Variants in SVEP1 observed in about 807,000 individuals in gnomAD.
SVEP1 encodes sushi, von Willebrand factor type A, EGF and pentraxin domain containing 1.
A neutral mutation model predicts 367.3 loss-of-function variants in SVEP1; 164 were observed. That is an observed-to-expected ratio of 0.45 (90% CI 0.39 to 0.51). The LOEUF is 0.51. Among genes scored for constraint, SVEP1 ranks in the 20% least tolerant of loss-of-function variants. The pLI, the probability that SVEP1 is intolerant of heterozygous loss-of-function variation, is 0.00. For missense variants in SVEP1, 4,117 were observed against 4,425.3 expected (o/e 0.93, Z 1.98); for synonymous variants, 1,666 against 1,611.6 (o/e 1.03, Z -0.81).
chr9:110,528,406 C>A (rs1829973543), intron 3 of SVEP1, among the ~76,000 whole-genome samples: 1 of 151,580 alleles, frequency 6.6e-6, no homozygotes, highest in South Asian at 2.1e-4. Context: ...AGAGGTTTTA[C>A]TACTTTACAT....
chr9:110,432,126 G>A (rs1828359488), intron 31 of SVEP1, 92 bp from the exon 32 acceptor site: 13 of 1,328,894 alleles, frequency 9.8e-6, no homozygotes, highest in South Asian at 9.0e-5. Context: ...TACATATCAC[G>A]TAATGCACAA....
chr9:110,506,645 C>T (rs1829630057), intron 5 of SVEP1, among the ~76,000 whole-genome samples: 1 of 152,172 alleles, frequency 6.6e-6, no homozygotes, highest in African/African-American at 2.4e-5. Context: ...CCGTAGTCTC[C>T]TCTTTAGAGA....
At position 110,378,777 on chromosome 9, in the gene SVEP1, C is replaced by T. The variant is rs1273493555; in HGVS notation, c.10408+570G>A. 3.4e-4 allele frequency among the ~76,000 whole-genome samples: 21 copies of T among 61,526 alleles called. No homozygotes were observed. The South Asian group carries it at 3.6e-3, about 11-fold the overall frequency. The allele number at this position is 61,526 out of a possible 152,430, so 40.4% of individuals were successfully genotyped here. A position where few individuals can be genotyped will look rare whatever the true frequency, so the allele number is the denominator to read the frequency against. On this transcript the variant is annotated intron_variant, in intron 44 of 47. Coordinates refer to ENST00000374469, the MANE Select transcript of SVEP1 (RefSeq NM_153366.4). Reference sequence around the variant, plus strand: ...GGACTGTTGTGGGGTGGGGGGAGGGCGGAGGGATAGCATTAGGAGATATAC... The same window carrying T: ...GGACTGTTGTGGGGTGGGGGGAGGGTGGAGGGATAGCATTAGGAGATATAC...
intron 1 of SVEP1, among the ~76,000 whole-genome samples, chr9:110,558,354 A>G (rs1564176113): frequency 7.6e-6 from 1 of 132,178 alleles, no homozygotes; most frequent in Non-Finnish European, 1.6e-5. Context: ...AAAAAAAAAA[A>G]TTGCAAAAAA....
intron 3 of SVEP1, among the ~76,000 whole-genome samples, chr9:110,529,373 A>T (rs1165000046): frequency 6.6e-6 from 1 of 152,030 alleles, no homozygotes; most frequent in Non-Finnish European, 1.5e-5. Flanking sequence ...TATGAATTTT[A>T]AGATTCTTTT....
At chr9:110,448,153 G>GTA (rs1491255265) in intron 24 of SVEP1, among the ~76,000 whole-genome samples, 2 of 51,528 alleles carry the variant, frequency 3.9e-5, no homozygotes, top group Non-Finnish European at 8.0e-5. Context: ...GTGTGTGCGC[G>GTA]TGTGTGTGTG....
At chr9:110,556,496 T>C (rs758300849) in intron 1 of SVEP1, among the ~76,000 whole-genome samples, 7 of 152,142 alleles carry the variant, frequency 4.6e-5, no homozygotes, top group African/African-American at 1.2e-4. Context: ...TTTGTTGTTG[T>C]TTTGTTCTGT....
Position 110,408,415 on chromosome 9 carries a change from A to G in SVEP1, c.7185T>C (p.Ser2395=). ...CAGTACTTCCAAAATGAAGAGCAGA[A>G]GAAGGAATGGGGACACCAAAGGAAA... The part of the protein sequence containing the change: ...PLISFGVPIP[S]SALHFGSTVK... Residue 2395 remains serine, a synonymous_variant, in exon 38 of 48, where the codon TCT becomes TCC. Transcript: ENST00000374469. The G allele has an allele frequency of 6.2e-7, 1 of 1,614,006 alleles. No homozygotes were observed. The highest frequency in any genetic ancestry group is 8.5e-7 in the Non-Finnish European group (1 of 1,179,908).
At chr9:110,377,933 T>C (rs1311141501) in intron 44 of SVEP1, among the ~76,000 whole-genome samples, 1 of 152,214 alleles carries the variant, frequency 6.6e-6, no homozygotes, top group African/African-American at 2.4e-5. Flanking sequence ...GTTTGACTGT[T>C]TTGGATTCCA....
At chr9:110,389,153 C>T (rs1346958239) in intron 41 of SVEP1, among the ~76,000 whole-genome samples, 1 of 152,022 alleles carries the variant, frequency 6.6e-6, no homozygotes. Flanking sequence ...ACCAACAGCA[C>T]GTTAAAAGTA....
At position 110,489,741 on chromosome 9, in the gene SVEP1, G is replaced by A. The variant is rs1829338638; in HGVS notation, c.1839C>T (p.Tyr613=). The part of the protein sequence containing the change: ...VHVHPAFTPP[Y]LFPIGDVAIV... ...TAGCAACATCTCCAATTGGGAAAAG[G>A]TAAGGTGGGGTGAAAGCTGGATGAA... The change falls in exon 9 of 48, where the codon TAC becomes TAT. Residue 613 remains tyrosine (Y), a synonymous_variant. Coordinates refer to ENST00000374469, the MANE Select transcript of SVEP1 (RefSeq NM_153366.4). 6.2e-7 allele frequency: 1 copy of A among 1,613,378 alleles called. No individual in the cohort carries two copies. The highest frequency in any genetic ancestry group is 1.7e-5 in the Admixed American group (1 of 59,960).
At position 110,499,243 on chromosome 9, in the gene SVEP1, G is replaced by A. The variant is rs367887033; in HGVS notation, c.1484-5C>T. 64 of 1,607,266 alleles carry A rather than the reference G, an allele frequency of 4.0e-5. No homozygotes were observed. The highest frequency in any genetic ancestry group is 1.9e-4 in the Admixed American group (11 of 59,176). On this transcript the variant is annotated splice_polypyrimidine_tract_variant and splice_region_variant and intron_variant, in intron 6 of 47. Coordinates refer to ENST00000374469, the MANE Select transcript of SVEP1 (RefSeq NM_153366.4). Reference sequence around the variant, plus strand: ...GAAAGGTGGAACAGTGGCGCTCTACGGTAGGGAAACAGAGAGAATGTTATT... The same window carrying A: ...GAAAGGTGGAACAGTGGCGCTCTACAGTAGGGAAACAGAGAGAATGTTATT...
intron 41 of SVEP1, among the ~76,000 whole-genome samples, chr9:110,388,603 A>G (rs778281852): frequency 6.6e-6 from 1 of 152,156 alleles, no homozygotes; most frequent in Non-Finnish European, 1.5e-5. Context: ...TTTCAGCCCA[A>G]AGTTGAGTAT....
intron 36 of SVEP1, among the ~76,000 whole-genome samples, chr9:110,414,913 C>A (rs894572673): frequency 2.6e-5 from 4 of 151,932 alleles, no homozygotes; most frequent in Non-Finnish European, 4.4e-5. Context: ...AAGTTTATAT[C>A]TGAGAAGAAT....
chr9:110,553,037 GGA>G (rs779005713), intron 1 of SVEP1, among the ~76,000 whole-genome samples: 1 of 152,168 alleles, frequency 6.6e-6, no homozygotes, highest in Non-Finnish European at 1.5e-5. Flanking sequence ...GGAAGCCGCA[GGA>G]GATAGCTGCA....
intron 40 of SVEP1, among the ~76,000 whole-genome samples, chr9:110,392,217 TTATATCTCTC>T (rs1827669371): frequency 6.6e-6 from 1 of 151,190 alleles, no homozygotes; most frequent in Non-Finnish European, 1.5e-5. Context: ...GCAATGTCTC[TTATATCTCTC>T]TAAACTTAGG....
intron 27 of SVEP1, chr9:110,442,456 TTTTTC>T (rs1420192555): frequency 2.9e-5 from 4 of 136,026 alleles, no homozygotes; most frequent in Non-Finnish European, 6.3e-5. Context: ...ATTTCTTTCT[TTTTTC>T]TTTTTTTTTT....
At chr9:110,437,085 C>T (rs1189460148) in intron 27 of SVEP1, among the ~76,000 whole-genome samples, 1 of 152,192 alleles carries the variant, frequency 6.6e-6, no homozygotes, top group Non-Finnish European at 1.5e-5. Flanking sequence ...CACCCTTCTC[C>T]ACTCAGCTTT....
At chr9:110,493,676 G>A (rs890617250) in intron 8 of SVEP1, among the ~76,000 whole-genome samples, 2 of 152,132 alleles carry the variant, frequency 1.3e-5, no homozygotes, top group Non-Finnish European at 2.9e-5. Flanking sequence ...AGGCTGCAGT[G>A]AGCCGAGATC....
Sources: allele counts gnomAD v4.1 joint callset (sites outside exome capture counted in the v4.1 genomes callset), GRCh38; gene constraint gnomAD v4.1.1; transcripts MANE v1.5; gene names NCBI Gene and HGNC (gene_info 2026-07-23, HGNC 2026-07-21).